The following CALN1 variants were observed in gnomAD, a reference collection of about 807,000 sequenced individuals.
CALN1 encodes calcium-binding protein 8.
A neutral mutation model predicts 30.6 loss-of-function variants in CALN1; 17 were observed. That is an observed-to-expected ratio of 0.56 (90% CI 0.38 to 0.83). CALN1 has a LOEUF of 0.83. Ranked by LOEUF, CALN1 falls within the 40% of genes least tolerant of loss-of-function variation. The pLI, the probability that CALN1 is intolerant of heterozygous loss-of-function variation, is 0.00. For missense variants in CALN1, 291 were observed against 354.9 expected (o/e 0.82, Z 1.45); for synonymous variants, 156 against 131.4 (o/e 1.19, Z -1.28).
intron 2 of CALN1, among the ~76,000 whole-genome samples, chr7:72,382,833 G>C (rs767305199): frequency 1.2e-4 from 19 of 152,282 alleles, no homozygotes; most frequent in Non-Finnish European, 2.1e-4. Flanking sequence ...ACCATTGCCA[G>C]GCTGGAGTGC....
At chr7:72,430,268 ATATT>A (rs1384628864) in intron 1 of CALN1, among the ~76,000 whole-genome samples, 3 of 148,148 alleles carry the variant, frequency 2.0e-5, no homozygotes, top group Non-Finnish European at 4.5e-5. Flanking sequence ...TAGAAAATAT[ATATT>A]TATCTATAAT....
chr7:72,408,941 G>C (rs995705577), intron 1 of CALN1, among the ~76,000 whole-genome samples: 2 of 151,686 alleles, frequency 1.3e-5, no homozygotes, highest in East Asian at 1.9e-4. Flanking sequence ...GCCTCCCAAA[G>C]TGCTGGGATT....
chr7:72,364,174 CCAGAT>C (rs1250190713), intron 2 of CALN1, among the ~76,000 whole-genome samples: 6 of 152,068 alleles, frequency 3.9e-5, no homozygotes, highest in Non-Finnish European at 8.8e-5. Context: ...TACCTCATTA[CCAGAT>C]AAGAAAATAC....
chr7:72,367,657 G>T (rs2129560134), intron 2 of CALN1, among the ~76,000 whole-genome samples: 1 of 151,982 alleles, frequency 6.6e-6, no homozygotes, highest in South Asian at 2.1e-4. Flanking sequence ...AATTAGCCAG[G>T]TCTCTACAAA....
intron 5 of CALN1, among the ~76,000 whole-genome samples, chr7:72,004,542 A>G (rs940448381): frequency 1.3e-4 from 20 of 152,232 alleles, no homozygotes; most frequent in African/African-American, 4.8e-4. Context: ...GCTAGACCAC[A>G]TCAAAATTAA....
chr7:72,118,442 T>C (rs184544443), intron 3 of CALN1, among the ~76,000 whole-genome samples: 1 of 152,294 alleles, frequency 6.6e-6, no homozygotes, highest in East Asian at 1.9e-4. Context: ...TGGCACAAGA[T>C]AGTCAGAAAG....
At chr7:72,293,750 A>C (rs929078229) in intron 2 of CALN1, among the ~76,000 whole-genome samples, 3 of 152,060 alleles carry the variant, frequency 2.0e-5, no homozygotes, top group Non-Finnish European at 2.9e-5. Context: ...TCTCCAGGTA[A>C]CATTTTTGAA....
At chr7:72,224,456 G>A (rs1033653701) in intron 3 of CALN1, among the ~76,000 whole-genome samples, 3 of 152,138 alleles carry the variant, frequency 2.0e-5, no homozygotes, top group African/African-American at 7.2e-5. Context: ...TAAAACCCGT[G>A]AACTAAAGGA....
chr7:72,222,836 C>T (rs918772749), intron 3 of CALN1, among the ~76,000 whole-genome samples: 2 of 151,082 alleles, frequency 1.3e-5, no homozygotes, highest in Admixed American at 6.6e-5. Flanking sequence ...GCCTGAGCAA[C>T]ATAGTGAGAT....
intron 3 of CALN1, among the ~76,000 whole-genome samples, chr7:72,238,691 C>T (rs1007722870): frequency 5.3e-5 from 8 of 152,284 alleles, no homozygotes; most frequent in Middle Eastern, 3.4e-3. Context: ...CTTTTCCCCT[C>T]TTTGCTCTGC....
intron 5 of CALN1, among the ~76,000 whole-genome samples, chr7:71,978,864 C>T (rs915127321): frequency 5.9e-5 from 9 of 152,216 alleles, no homozygotes; most frequent in African/African-American, 2.2e-4. Context: ...TATTGAGCAA[C>T]TATTTGTTGG....
intron 3 of CALN1, among the ~76,000 whole-genome samples, chr7:72,118,489 A>G (rs1430498535): frequency 6.6e-6 from 1 of 152,238 alleles, no homozygotes; most frequent in African/African-American, 2.4e-5. Context: ...ACTAGAGCAT[A>G]AAGTTAATCT....
chr7:71,962,548 G>A (rs910293450), intron 5 of CALN1, among the ~76,000 whole-genome samples: 3 of 152,212 alleles, frequency 2.0e-5, no homozygotes, highest in Non-Finnish European at 2.9e-5. Context: ...GGACTATATA[G>A]AGAGTGAATA....
chr7:72,330,604 G>A (rs1357416459), intron 2 of CALN1, among the ~76,000 whole-genome samples: 4 of 151,982 alleles, frequency 2.6e-5, no homozygotes, highest in Non-Finnish European at 5.9e-5. Context: ...GACTATAAGG[G>A]TACCATCTCT....
At chr7:72,057,680 A>G (rs1803356548) in intron 4 of CALN1, among the ~76,000 whole-genome samples, 1 of 152,054 alleles carries the variant, frequency 6.6e-6, no homozygotes, top group South Asian at 2.1e-4. Context: ...ATTACATGTT[A>G]TTAAAACTCT....
chr7:72,041,828 A>G lies in CALN1; in HGVS notation c.389-18059T>C, dbSNP rs113633248. Among the ~76,000 whole-genome samples, 425 of 152,314 alleles carry G rather than the reference A, an allele frequency of 2.8e-3. 3 individuals carry two copies. The highest frequency in any genetic ancestry group is 9.8e-3 in the African/African-American group (406 of 41,580). On this transcript the variant is annotated intron_variant, in intron 4 of 6. Coordinates refer to ENST00000395275, the MANE Select transcript of CALN1 (RefSeq NM_031468.4). ...GTCTCATGAGATCTGATGATCCGAT[A>G]AAGGGGAGTTCCCCTGCACATGGCC...
In CALN1 at chr7:71,801,395, T is replaced by C. The variant is rs369380320; in HGVS notation, c.658+8941A>G. 9.4e-5 allele frequency among the ~76,000 whole-genome samples: 11 copies of C among 117,272 alleles called. No individual in the cohort carries two copies. The East Asian group carries it at 2.6e-3, about 28-fold the overall frequency. 76.9% of individuals were successfully genotyped at this position (117,272 alleles called of 152,430 possible). On this transcript the variant is annotated intron_variant, in intron 6 of 6. Transcript: ENST00000395275. Reference sequence around the variant, plus strand: ...GCCTGGTTATGTATGTATGTATGTATGTATGTATGTATGTATGTATGTATG... The same window carrying C: ...GCCTGGTTATGTATGTATGTATGTACGTATGTATGTATGTATGTATGTATG...
chr7:72,074,639 C>A (rs192073818), intron 4 of CALN1, among the ~76,000 whole-genome samples: 13 of 152,280 alleles, frequency 8.5e-5, no homozygotes, highest in Admixed American at 2.0e-4. Context: ...AACTCCTGAC[C>A]TCAGATGATC....
intron 5 of CALN1, among the ~76,000 whole-genome samples, chr7:71,973,335 C>T (rs982719801): frequency 3.3e-5 from 5 of 152,084 alleles, no homozygotes; most frequent in Middle Eastern, 3.2e-3. Context: ...ACCATCACGC[C>T]GAGCTAATTT....
Sources: allele counts gnomAD v4.1 joint callset (sites outside exome capture counted in the v4.1 genomes callset), GRCh38; gene constraint gnomAD v4.1.1; transcripts MANE v1.5; gene names NCBI Gene and HGNC (gene_info 2026-07-23, HGNC 2026-07-21).